EPS15: variants seen among roughly 807,000 people sequenced by gnomAD.
The protein encoded by EPS15 is epidermal growth factor receptor pathway substrate 15, also known as epidermal growth factor receptor substrate 15.
A neutral mutation model predicts 113.8 loss-of-function variants in EPS15; 72 were observed. That is an observed-to-expected ratio of 0.63 (90% CI 0.52 to 0.77). The LOEUF is 0.77. EPS15 is among the 30% of genes least tolerant of loss of function. The pLI is 0.00. For synonymous variants in EPS15, 344 were observed against 363.4 expected (o/e 0.95, Z 0.61); for missense variants, 1,048 against 1,045.8 (o/e 1.00, Z -0.03).
chr1:51,423,144 A>G, intron 12 of EPS15: 1 of 1,197,266 alleles, frequency 8.4e-7, no homozygotes, highest in Non-Finnish European at 1.1e-6. Context: ...AAGAAAGCAT[A>G]CAAATAAAGC....
intron 1 of EPS15, among the ~76,000 whole-genome samples, chr1:51,510,087 GA>G (rs1491004039): frequency 6.6e-6 from 1 of 152,186 alleles, no homozygotes; most frequent in Non-Finnish European, 1.5e-5. Flanking sequence ...AAAGAATACT[GA>G]AAGGTTCATC....
chr1:51,426,162 G>A (rs369273417), intron 12 of EPS15, among the ~76,000 whole-genome samples: 1 of 151,746 alleles, frequency 6.6e-6, no homozygotes, highest in Admixed American at 6.6e-5. Context: ...TGTTCTGACC[G>A]ACTCTCTCTC....
At chr1:51,470,776 A>G (rs183961202) in intron 4 of EPS15, among the ~76,000 whole-genome samples, 1 of 152,300 alleles carries the variant, frequency 6.6e-6, no homozygotes, top group East Asian at 1.9e-4. Flanking sequence ...AAACAATTAT[A>G]AGTAAAAAAT....
rs137960159 is a variant in EPS15, at chr1:51,378,463, C to T, written c.2120-12434G>A. Among the ~76,000 whole-genome samples, 23 of 152,088 alleles carry T rather than the reference C, an allele frequency of 1.5e-4. No homozygotes were observed. The Middle Eastern group carries it at 0.01, about 67-fold the overall frequency. On this transcript the variant is annotated intron_variant, in intron 21 of 24. Coordinates refer to ENST00000371733, the MANE Select transcript of EPS15 (RefSeq NM_001981.3). ...CTTGAGCCCAGGAATTCAAGACCAG[C>T]CTGGGTTCCTAAAACAAAACCAAAC...
intron 13 of EPS15, among the ~76,000 whole-genome samples, chr1:51,419,245 T>C (rs1034945203): frequency 1.3e-5 from 2 of 152,072 alleles, no homozygotes; most frequent in Non-Finnish European, 2.9e-5. Flanking sequence ...GATCATCTCA[T>C]GAAATAAAAT....
At chr1:51,373,173 TATAGATA>T (rs1338942451) in intron 21 of EPS15, 1 of 158,088 alleles carries the variant, frequency 6.3e-6, no homozygotes, top group African/African-American at 2.4e-5. Flanking sequence ...AAGAGTAAGA[TATAGATA>T]AGGAAAAGAG....
intron 21 of EPS15, among the ~76,000 whole-genome samples, chr1:51,383,806 G>A (rs910990676): frequency 6.6e-6 from 1 of 152,158 alleles, no homozygotes; most frequent in Non-Finnish European, 1.5e-5. Context: ...AATAAAATCT[G>A]TTTGCAAATA....
intron 12 of EPS15, among the ~76,000 whole-genome samples, chr1:51,428,729 A>T (rs908177216): frequency 6.7e-6 from 1 of 149,192 alleles, no homozygotes; most frequent in Admixed American, 6.8e-5. Flanking sequence ...TGGGAGGCTG[A>T]GGCAGGAGAA....
intron 12 of EPS15, chr1:51,423,223 T>C: frequency 7.8e-7 from 1 of 1,288,922 alleles, no homozygotes; most frequent in Non-Finnish European, 1.0e-6. Flanking sequence ...GTCAGATGGG[T>C]CGCAATGTGG....
At chr1:51,470,670 A>AAG (rs1655174582) in intron 4 of EPS15, among the ~76,000 whole-genome samples, 1 of 135,872 alleles carries the variant, frequency 7.4e-6, no homozygotes. Flanking sequence ...AAAAAAAAAA[A>AAG]TCTATGCTTC....
chr1:51,408,648 C>T (rs1251770910), intron 14 of EPS15, among the ~76,000 whole-genome samples: 1 of 151,994 alleles, frequency 6.6e-6, no homozygotes, highest in Admixed American at 6.6e-5. Flanking sequence ...TTGAGACAGT[C>T]TCACTCTGTC....
At chr1:51,499,925 G>A (rs1644384330) in intron 1 of EPS15, among the ~76,000 whole-genome samples, 1 of 152,034 alleles carries the variant, frequency 6.6e-6, no homozygotes, top group Admixed American at 6.6e-5. Flanking sequence ...ATCCCAAACT[G>A]GAAATCTGTA....
Position 51,494,233 on chromosome 1 carries a change from A to C in EPS15, c.34-12919T>G, listed in dbSNP as rs1025243215. 4.6e-5 allele frequency among the ~76,000 whole-genome samples: 7 copies of C among 152,102 alleles called. No individual in the cohort carries two copies. The South Asian group carries it at 1.5e-3, about 32-fold the overall frequency. ...CCTTGCCCTTCTATCTTCAACCAAA[A>C]GTGCTCCACCTCCTTAATCACTATT... On this transcript the variant is annotated intron_variant, in intron 1 of 24. Transcript: ENST00000371733.
intron 21 of EPS15, 24 bp from the exon 22 acceptor site, chr1:51,366,053 T>C (rs920800597): frequency 1.9e-6 from 3 of 1,551,134 alleles, no homozygotes; most frequent in African/African-American, 1.4e-5. Flanking sequence ...AGAAAATAAA[T>C]GAAACAGGAC....
chr1:51,397,967 A>G (rs1366430171), intron 20 of EPS15, among the ~76,000 whole-genome samples: 2 of 152,210 alleles, frequency 1.3e-5, no homozygotes, highest in East Asian at 3.8e-4. Context: ...TAACTATTGA[A>G]ATTGGGTAAT....
chr1:51,457,426 A>G (rs2148494717), intron 8 of EPS15: 1 of 152,004 alleles, frequency 6.6e-6, no homozygotes, highest in Non-Finnish European at 1.5e-5. Context: ...CTAGTACAGG[A>G]AAAGGGGCAC....
In EPS15 at chr1:51,421,865, G is replaced by A; in HGVS notation, c.1041-7C>T. 6.2e-7 allele frequency: 1 copy of A among 1,611,196 alleles called. No homozygotes were observed. Among genetic ancestry groups the A allele is most frequent in the Non-Finnish European group, 8.5e-7 (1 of 1,178,284 alleles). On this transcript the variant is annotated splice_polypyrimidine_tract_variant and splice_region_variant and intron_variant, in intron 12 of 24. Coordinates refer to ENST00000371733, the MANE Select transcript of EPS15 (RefSeq NM_001981.3). The stretch of plus-strand genomic sequence containing the variant: ...TTCCACATTATTCTTTTCCCTAGAA[G>A]ACCAGCAAACAATGCAAGAATATTT...
chr1:51,426,947 C>A (rs1030593086), intron 12 of EPS15, among the ~76,000 whole-genome samples: 1 of 151,606 alleles, frequency 6.6e-6, no homozygotes, highest in Non-Finnish European at 1.5e-5. Context: ...CTCTTTCTAA[C>A]CCTCCTTCCC....
intron 2 of EPS15, among the ~76,000 whole-genome samples, chr1:51,478,222 C>G (rs1420500816): frequency 6.6e-6 from 1 of 152,106 alleles, no homozygotes; most frequent in Non-Finnish European, 1.5e-5. Context: ...CCTTCTTTGT[C>G]TCTTTTGATC....
Sources: gnomAD v4.1 joint callset for allele counts (sites outside exome capture counted in the v4.1 genomes callset) on GRCh38, gnomAD v4.1.1 for gene constraint, MANE v1.5 for transcripts, NCBI Gene and HGNC (gene_info 2026-07-23, HGNC 2026-07-21) for gene names.